GSDMC: variants seen among roughly 807,000 people sequenced by gnomAD.
GSDMC encodes the protein gasdermin C.
In GSDMC, 59 loss-of-function variants were observed where a neutral mutation model predicts 58.0. That is an observed-to-expected ratio of 1.02 (90% CI 0.82 to 1.26). GSDMC has a LOEUF of 1.26. Among genes scored for constraint, GSDMC ranks in the 50% most tolerant of loss-of-function variants. The probability of loss-of-function intolerance (pLI) is 0.00; values close to 1 mark genes in which losing one functional copy is unlikely to be tolerated. For synonymous variants in GSDMC, 241 were observed against 220.2 expected, an observed-to-expected ratio of 1.09 and a Z score of -0.83; for missense variants, 659 against 598.5, an observed-to-expected ratio of 1.10 and a Z score of -1.06.
chr8:129,739,751 A>G, the GSDMC span, among the ~76,000 whole-genome samples: 3 of 152,276 alleles, frequency 2.0e-5, no homozygotes, highest in East Asian at 5.8e-4. Flanking sequence ...GCTAATAATC[A>G]TAAATGACTG....
chr8:129,761,252 C>T (rs1018194404), intron 5 of GSDMC, among the ~76,000 whole-genome samples: 1 of 152,160 alleles, frequency 6.6e-6, no homozygotes, highest in African/African-American at 2.4e-5. Flanking sequence ...TCACCCTCTC[C>T]AGTTCATCAG....
chr8:129,779,245 G>A (rs140755275), intron 1 of GSDMC, among the ~76,000 whole-genome samples: 301 of 152,220 alleles, frequency 2.0e-3, no homozygotes, highest in South Asian at 7.5e-3. Flanking sequence ...TAAAGAAAAC[G>A]CGGTACATAT....
At chr8:129,725,351 C>A in the GSDMC span, among the ~76,000 whole-genome samples, 1 of 152,124 alleles carries the variant, frequency 6.6e-6, no homozygotes, top group Non-Finnish European at 1.5e-5. Flanking sequence ...AAGACACACT[C>A]ATGCGTTCTT....
intron 1 of GSDMC, among the ~76,000 whole-genome samples, chr8:129,781,667 C>T (rs1401305290): frequency 6.6e-6 from 1 of 151,938 alleles, no homozygotes; most frequent in Non-Finnish European, 1.5e-5. Context: ...ATGGCGTGAA[C>T]CCAGGAGGTG....
the GSDMC span, among the ~76,000 whole-genome samples, chr8:129,733,685 A>G: frequency 2.6e-5 from 4 of 152,248 alleles, no homozygotes; most frequent in African/African-American, 9.6e-5. Flanking sequence ...ATCAAAAACC[A>G]AAGGTAGATA....
At chr8:129,725,706 T>C in the GSDMC span, among the ~76,000 whole-genome samples, 2 of 148,098 alleles carry the variant, frequency 1.4e-5, no homozygotes, top group African/African-American at 5.3e-5. Flanking sequence ...ATCAACTATG[T>C]GCTAGCACTA....
intron 3 of GSDMC, among the ~76,000 whole-genome samples, chr8:129,775,008 G>A (rs964987380): frequency 3.9e-5 from 6 of 152,126 alleles, no homozygotes; most frequent in African/African-American, 1.4e-4. Flanking sequence ...CAGTATGTTG[G>A]TTCTTCAAAA....
the GSDMC span, among the ~76,000 whole-genome samples, chr8:129,717,250 C>CTTT: frequency 1.8e-4 from 21 of 114,684 alleles, no homozygotes; most frequent in Non-Finnish European, 3.1e-4. Flanking sequence ...TGGTCCTGGG[C>CTTT]TTTTTTTTTT....
chr8:129,727,008 A>ACC, the GSDMC span, among the ~76,000 whole-genome samples: 16 of 129,798 alleles, frequency 1.2e-4, no homozygotes, highest in Admixed American at 1.2e-3. Context: ...ATACACACAC[A>ACC]CACACACACA....
Position 129,777,445 on chromosome 8 carries a change from G to A in GSDMC, c.143C>T (p.Ser48Leu), listed in dbSNP as rs765739292. Residue 48 changes from serine (S) to leucine (L), a missense_variant, in exon 2 of 14, where the codon TCA becomes TTA. Ser to Leu is a moderately radical substitution (Grantham distance 145). Transcript: ENST00000276708. ...AACATAGTCAGATTGTTCCCAAAAT[G>A]ATGAACGAGAATCCTTCTTCTTTCG... is the stretch of plus-strand genomic sequence containing the variant. ...ILRKKKDSRS[S>L]FWEQSDYVPV... The A allele has an allele frequency of 2.2e-5, 36 of 1,613,552 alleles. No homozygotes were observed. The highest frequency in any genetic ancestry group is 3.1e-5 in the Non-Finnish European group (36 of 1,179,554).
intron 1 of GSDMC, among the ~76,000 whole-genome samples, chr8:129,778,464 G>C (rs528957288): frequency 2.0e-5 from 3 of 151,872 alleles, no homozygotes; most frequent in Admixed American, 6.6e-5. Flanking sequence ...AACTCAAGAC[G>C]AATAAAAGAC....
the GSDMC span, among the ~76,000 whole-genome samples, chr8:129,725,819 A>T: frequency 6.6e-6 from 1 of 152,346 alleles, no homozygotes; most frequent in East Asian, 1.9e-4. Context: ...GGAGGTTGCA[A>T]AGTTAGGGAT....
chr8:129,777,527 G>C lies in GSDMC; in HGVS notation c.61C>G (p.Leu21Val), dbSNP rs765627400. The C allele has an allele frequency of 1.9e-5, 31 of 1,613,304 alleles. No homozygotes were observed. In the East Asian group the frequency reaches 3.8e-4, roughly 20 times the overall value. The change falls in exon 2 of 14, where the codon CTG becomes GTG. Residue 21 changes from leucine to valine, a missense_variant. Leu to Val is a conservative substitution (Grantham distance 32, BLOSUM62 1). Transcript: ENST00000276708. ...CTCAATAGGTATTTGACAGGTGTCAGGTCTTTGCTTCCAATCTCTTTGACC... is the reference window on the plus strand; with the variant it reads ...CTCAATAGGTATTTGACAGGTGTCACGTCTTTGCTTCCAATCTCTTTGACC... ...NLVKEIGSKDLTPVKYLLSAT... is the reference protein window; with the variant it reads ...NLVKEIGSKDVTPVKYLLSAT...
chr8:129,751,948 C>T lies in GSDMC; in HGVS notation c.887-57G>A, dbSNP rs2033214941. 7.8e-6 allele frequency: 12 copies of T among 1,545,442 alleles called. No homozygotes were observed. In the East Asian group the frequency reaches 9.0e-5, roughly 12 times the overall value. On this transcript the variant is annotated intron_variant, in intron 8 of 13. Transcript: ENST00000276708. ...AGGCTCAAAGACTAGATTTCTCCAA[C>T]CTTCTGCCCTTCTTTCCCTGAACCA...
chr8:129,777,522 T>C lies in GSDMC; in HGVS notation c.66A>G (p.Thr22=). 1 of 1,613,286 alleles carries C rather than the reference T, an allele frequency of 6.2e-7. No homozygotes were observed. The highest frequency in any genetic ancestry group is 8.5e-7 in the Non-Finnish European group (1 of 1,179,336). ...LVKEIGSKDL[T]PVKYLLSATK... is the part of the protein sequence containing the mutation. ...TGGCACTCAATAGGTATTTGACAGG[T>C]GTCAGGTCTTTGCTTCCAATCTCTT... The change falls in exon 2 of 14, where the codon ACA becomes ACG. Residue 22 remains threonine (T), a synonymous_variant. Coordinates refer to ENST00000276708, the MANE Select transcript of GSDMC (RefSeq NM_031415.3).
At chr8:129,776,631 G>A (rs2034235041) in intron 2 of GSDMC, among the ~76,000 whole-genome samples, 1 of 152,236 alleles carries the variant, frequency 6.6e-6, no homozygotes, top group African/African-American at 2.4e-5. Context: ...GCAGAGGGCA[G>A]CACACAGGGG....
At chr8:129,725,546 G>A in the GSDMC span, among the ~76,000 whole-genome samples, 1 of 152,134 alleles carries the variant, frequency 6.6e-6, no homozygotes, top group Non-Finnish European at 1.5e-5. Context: ...TAATTTAAAT[G>A]TCCCAGATCA....
chr8:129,723,632 A>C, the GSDMC span, among the ~76,000 whole-genome samples: 1 of 152,114 alleles, frequency 6.6e-6, no homozygotes, highest in Non-Finnish European at 1.5e-5. Flanking sequence ...AACTCTGCTC[A>C]AACACTCCTG....
the GSDMC span, among the ~76,000 whole-genome samples, chr8:129,710,844 C>T: frequency 2.0e-5 from 3 of 152,144 alleles, no homozygotes; most frequent in Admixed American, 6.6e-5. Context: ...CAAGGGCAGA[C>T]GAGGCCAGCA....
Sources: allele counts gnomAD v4.1 joint callset (sites outside exome capture counted in the v4.1 genomes callset), GRCh38; gene constraint gnomAD v4.1.1; transcripts MANE v1.5; gene names NCBI Gene and HGNC (gene_info 2026-07-23, HGNC 2026-07-21).